The following SCN10A variants were observed in gnomAD, a reference collection of about 807,000 sequenced individuals.
The protein encoded by SCN10A is sodium channel protein type 10 subunit alpha.
Under a neutral mutation model 170.7 loss-of-function variants are expected in SCN10A, and 162 were observed. That is an observed-to-expected ratio of 0.95 (90% CI 0.84 to 1.08). The LOEUF is 1.08. Ranked by LOEUF, SCN10A falls within the 50% of genes least tolerant of loss-of-function variation. The pLI is 0.00. For synonymous variants in SCN10A, 985 were observed against 904.6 expected, an observed-to-expected ratio of 1.09 and a Z score of -1.59; for missense variants, 2,527 against 2,436.9, an observed-to-expected ratio of 1.04 and a Z score of -0.78.
rs1327785311 is a variant in SCN10A, at chr3:38,728,794, G to C, written c.2388C>G (p.Ile796Met). The C allele has an allele frequency of 6.2e-7, 1 of 1,614,056 alleles. No homozygotes were observed. The highest frequency in any genetic ancestry group is 1.7e-5 in the Admixed American group (1 of 60,006). The change falls in exon 16 of 28, where the codon ATC becomes ATG. Residue 796 changes from isoleucine to methionine, a missense_variant. By Grantham distance (10) the Ile-to-Met change is conservative. Transcript: ENST00000449082. Reference protein sequence around the residue: ...ALGNLTIILAIIVFVFALVGK... With the variant: ...ALGNLTIILAMIVFVFALVGK... ...CAACCAGAGCAAAGACAAAGACAAT[G>C]ATGGCCAGGATGATGGTGAGGTTCC...
At chr3:38,718,213 T>C (rs2063352512) in intron 21 of SCN10A, among the ~76,000 whole-genome samples, 1 of 152,162 alleles carries the variant, frequency 6.6e-6, no homozygotes, top group African/African-American at 2.4e-5. Context: ...GGTCACTGCA[T>C]ATTTCATAGC....
At chr3:38,706,669 T>C (rs1203557756) in intron 26 of SCN10A, among the ~76,000 whole-genome samples, 2 of 152,170 alleles carry the variant, frequency 1.3e-5, no homozygotes, top group African/African-American at 4.8e-5. Flanking sequence ...GTAGTACATT[T>C]AATGGAGGAA....
chr3:38,771,190 A>G, intron 5 of SCN10A, 89 bp downstream of exon 5: 2 of 1,455,488 alleles, frequency 1.4e-6, no homozygotes, highest in Non-Finnish European at 1.9e-6. Context: ...ACTCTGTCCA[A>G]GTGGGACCTG....
intron 26 of SCN10A, among the ~76,000 whole-genome samples, chr3:38,704,966 G>T (rs1008424938): frequency 5.5e-4 from 84 of 152,202 alleles, no homozygotes; most frequent in African/African-American, 2.0e-3. Flanking sequence ...CTTTTGCCTT[G>T]GATTTCTTTC....
At chr3:38,805,096 G>A (rs1210239601) in intron 1 of SCN10A, among the ~76,000 whole-genome samples, 1 of 152,068 alleles carries the variant, frequency 6.6e-6, no homozygotes, top group Non-Finnish European at 1.5e-5. Context: ...ACATGACTAA[G>A]CTAATTATAA....
rs7641844 is a variant in SCN10A at position 38,760,760 on chromosome 3, A to G, written c.884-13T>C. 0.29 allele frequency: 473,482 copies of G among 1,605,174 alleles called. 74,792 individuals are homozygous for G. The highest frequency in any genetic ancestry group is 0.69 in the East Asian group (31,030 of 44,800). The stretch of plus-strand genomic sequence containing the variant: ...ATGTAGATATCTGCTGAAGAAAGGA[A>G]GAAAAGAAAGCCTCACAGATGGTTC... On this transcript the variant is annotated splice_polypyrimidine_tract_variant and intron_variant, in intron 7 of 27. Coordinates refer to ENST00000449082, the MANE Select transcript of SCN10A (RefSeq NM_006514.4).
chr3:38,722,827 C>A (rs1399469941), intron 19 of SCN10A, among the ~76,000 whole-genome samples: 1 of 151,930 alleles, frequency 6.6e-6, no homozygotes, highest in Non-Finnish European at 1.5e-5. Context: ...TCAGCCCAGC[C>A]CAGGGTCAAA....
intron 11 of SCN10A, among the ~76,000 whole-genome samples, chr3:38,754,920 C>T (rs1000311872): frequency 1.1e-4 from 17 of 152,146 alleles, no homozygotes; most frequent in Non-Finnish European, 2.5e-4. Context: ...CCCTCCCACA[C>T]AGCAGATATT....
At chr3:38,713,031 AAT>A (rs1240868689) in intron 22 of SCN10A, among the ~76,000 whole-genome samples, 2 of 152,248 alleles carry the variant, frequency 1.3e-5, no homozygotes, top group Non-Finnish European at 2.9e-5. Context: ...ACTTCCAGCC[AAT>A]GATAGTGGAG....
At position 38,726,626 on chromosome 3, in the gene SCN10A, C is replaced by G; in HGVS notation, c.3067G>C (p.Glu1023Gln). The G allele has an allele frequency of 2.5e-6, 4 of 1,591,292 alleles. No homozygotes were observed. The highest frequency in any genetic ancestry group is 3.4e-6 in the Non-Finnish European group (4 of 1,163,436). Reference sequence around the variant, plus strand: ...CTTACCTGTCCTTTGGGGATCACTTCCTGCTGGAAGCTCTGAGCATCTTCC... The same window carrying G: ...CTTACCTGTCCTTTGGGGATCACTTGCTGCTGGAAGCTCTGAGCATCTTCC... Reference protein sequence around the residue: ...GGEDAQSFQQEVIPKGQQEQL... With the variant: ...GGEDAQSFQQQVIPKGQQEQL... Residue 1023 changes from glutamate (E) to glutamine (Q), a missense_variant, in exon 17 of 28, where the codon GAA (glutamate) becomes CAA (glutamine). Physicochemically the swap from Glu to Gln is conservative, Grantham distance 29 (BLOSUM62 2). Coordinates refer to ENST00000449082, the MANE Select transcript of SCN10A (RefSeq NM_006514.4).
chr3:38,750,584 A>C (rs2063737242), intron 12 of SCN10A, among the ~76,000 whole-genome samples: 1 of 152,236 alleles, frequency 6.6e-6, no homozygotes, highest in South Asian at 2.1e-4. Flanking sequence ...ATGTATAAAA[A>C]TGTAGGCACT....
intron 15 of SCN10A, among the ~76,000 whole-genome samples, chr3:38,735,440 C>T (rs972963647): frequency 4.6e-5 from 7 of 152,106 alleles, no homozygotes; most frequent in Admixed American, 6.5e-5. Flanking sequence ...TGGTATACAG[C>T]GTATACTATC....
At chr3:38,755,523 A>C (rs989216046) in intron 11 of SCN10A, among the ~76,000 whole-genome samples, 2 of 152,088 alleles carry the variant, frequency 1.3e-5, no homozygotes, top group Non-Finnish European at 2.9e-5. Context: ...TGGGAGTCAA[A>C]TTGGACTCCC....
At chr3:38,714,111 C>T in intron 21 of SCN10A, 31 bp from the exon 22 acceptor site, 1 of 1,609,000 alleles carries the variant, frequency 6.2e-7, no homozygotes, top group Non-Finnish European at 8.5e-7. Flanking sequence ...AAACATCACT[C>T]TAGGTTTCCA....
At chr3:38,720,524 A>T (rs188884870) in intron 20 of SCN10A, among the ~76,000 whole-genome samples, 100 of 152,134 alleles carry the variant, frequency 6.6e-4, no homozygotes, top group African/African-American at 2.3e-3. Flanking sequence ...ACTTTGTCAG[A>T]TGAAAATGCA....
At position 38,697,923 on chromosome 3, in the gene SCN10A, T is replaced by C. The variant is rs1413727393; in HGVS notation, c.5297A>G (p.Asp1766Gly). The C allele has an allele frequency of 6.2e-7, 1 of 1,614,086 alleles. No homozygotes were observed. The highest frequency in any genetic ancestry group is 2.2e-5 in the East Asian group (1 of 44,878). ...GGGACCAGAGAGAGTGTCTGCAAAG[T>C]CCGAGAGAGCAGAAAAGGTAATAAA... ...TQFITFSALS[D>G]FADTLSGPLR... The change falls in exon 28 of 28, where the codon GAC (aspartate) becomes GGC (glycine). Residue 1766 changes from aspartate (D) to glycine (G), a missense_variant. Transcript: ENST00000449082.
Position 38,718,679 on chromosome 3 carries a change from A to T in SCN10A, c.3655T>A (p.Cys1219Ser). Reference sequence around the variant, plus strand: ...TTCACAATGAGGAAGTCCAGCCAGCACCAGGCATTGGTGAAGTACTTTTTG... The same window carrying T: ...TTCACAATGAGGAAGTCCAGCCAGCTCCAGGCATTGGTGAAGTACTTTTTG... ...GFKKYFTNAW[C>S]WLDFLIVNIS... The change falls in exon 21 of 28, where the codon TGC becomes AGC. Residue 1219 changes from cysteine to serine, a missense_variant. Coordinates refer to ENST00000449082, the MANE Select transcript of SCN10A (RefSeq NM_006514.4). 6.2e-7 allele frequency: 1 copy of T among 1,614,200 alleles called. No individual in the cohort carries two copies. Among genetic ancestry groups the T allele is most frequent in the Non-Finnish European group, 8.5e-7 (1 of 1,180,020 alleles).
chr3:38,723,628 T>C, intron 18 of SCN10A, 75 bp from the exon 19 acceptor site: 1 of 1,510,726 alleles, frequency 6.6e-7, no homozygotes, highest in Non-Finnish European at 8.9e-7. Context: ...TCACTGCAGG[T>C]TCAACTGCAC....
intron 4 of SCN10A, among the ~76,000 whole-genome samples, chr3:38,776,174 T>A (rs1360167312): frequency 6.6e-6 from 1 of 152,112 alleles, no homozygotes; most frequent in Non-Finnish European, 1.5e-5. Context: ...TTATTCATTG[T>A]CATGGCTCCC....
Sources: allele counts gnomAD v4.1 joint callset (sites outside exome capture counted in the v4.1 genomes callset), GRCh38; gene constraint gnomAD v4.1.1; transcripts MANE v1.5; gene names NCBI Gene and HGNC (gene_info 2026-07-23, HGNC 2026-07-21).